The following YTHDC1 variants were observed in gnomAD, a reference collection of about 807,000 sequenced individuals.
YTHDC1 encodes the protein YTH domain-containing protein 1.
YTHDC1 carries 12 observed loss-of-function variants against 107.0 expected under a neutral mutation model. The ratio of observed to expected loss-of-function variants is 0.11; its 90% confidence interval spans 0.07 to 0.18. The LOEUF (loss-of-function observed/expected upper bound fraction) is 0.18, where lower values mean the gene tolerates loss of function less well. Ranked by LOEUF, YTHDC1 falls within the 10% of genes least tolerant of loss-of-function variation. The pLI is 1.00. For synonymous variants in YTHDC1, 280 were observed against 289.5 expected (o/e 0.97, Z 0.33); for missense variants, 635 against 898.8 (o/e 0.71, Z 3.75).
intron 9 of YTHDC1, among the ~76,000 whole-genome samples, chr4:68,328,877 A>T (rs190244858): frequency 6.6e-6 from 1 of 152,240 alleles, no homozygotes; most frequent in Admixed American, 6.5e-5. Flanking sequence ...TCTGCACAGC[A>T]TGTTACTGTA....
chr4:68,325,269 AT>A (rs201355771), intron 9 of YTHDC1, among the ~76,000 whole-genome samples: 81 of 150,392 alleles, frequency 5.4e-4, no homozygotes, highest in African/African-American at 1.3e-3. Flanking sequence ...AATACAGAAG[AT>A]TTTTTTTTTG....
intron 1 of YTHDC1, 100 bp downstream of exon 1, chr4:68,349,626 C>T: frequency 3.0e-6 from 1 of 337,638 alleles, no homozygotes; most frequent in Non-Finnish European, 6.0e-6. Context: ...CAGCTAACCT[C>T]CCCAACCCCC....
At chr4:68,317,020 C>G (rs1721934002) in intron 15 of YTHDC1, among the ~76,000 whole-genome samples, 1 of 152,132 alleles carries the variant, frequency 6.6e-6, no homozygotes, top group Admixed American at 6.5e-5. Context: ...TCCCTTAAGC[C>G]AGGAGTTGGA....
chr4:68,318,589 A>T lies in YTHDC1; in HGVS notation c.1762-8T>A. 1 of 1,610,830 alleles carries T rather than the reference A, an allele frequency of 6.2e-7. No homozygotes were observed. The highest frequency in any genetic ancestry group is 8.5e-7 in the Non-Finnish European group (1 of 1,178,380). Reference sequence around the variant, plus strand: ...CACATAATCATTGTAGGACTAAAATAAAAGATGATAATGTCAATATAATTA... The same window carrying T: ...CACATAATCATTGTAGGACTAAAATTAAAGATGATAATGTCAATATAATTA... On this transcript the variant is annotated splice_region_variant and splice_polypyrimidine_tract_variant and intron_variant, in intron 14 of 16. Transcript: ENST00000344157.
At chr4:68,320,907 T>C (rs1722382832) in intron 11 of YTHDC1, among the ~76,000 whole-genome samples, 1 of 152,094 alleles carries the variant, frequency 6.6e-6, no homozygotes, top group Non-Finnish European at 1.5e-5. Flanking sequence ...CAATGCCTTG[T>C]AATAAAATAG....
At position 68,326,810 on chromosome 4, in the gene YTHDC1, C is replaced by A. The variant is rs146809153; in HGVS notation, c.1350-2587G>T. On this transcript the variant is annotated intron_variant, in intron 9 of 16. Coordinates refer to ENST00000344157, the MANE Select transcript of YTHDC1 (RefSeq NM_001031732.4). ...TTCACCATGTTGGCCATGCTAGTCT[C>A]GAACTCCTGGCCTCAAGTGATGCAC... is the stretch of plus-strand genomic sequence containing the variant. 2.6e-5 allele frequency among the ~76,000 whole-genome samples: 4 copies of A among 151,448 alleles called. No homozygotes were observed. In the South Asian group the frequency reaches 8.4e-4, roughly 32 times the overall value.
In YTHDC1 at chr4:68,337,802, A is replaced by G. The variant is rs376644205; in HGVS notation, c.229T>C (p.Ser77Pro). 96 of 1,614,024 alleles carry G rather than the reference A, an allele frequency of 5.9e-5. No individual in the cohort carries two copies. The highest frequency in any genetic ancestry group is 7.7e-5 in the Non-Finnish European group (91 of 1,180,038). Reference sequence around the variant, plus strand: ...ACTATTCTTTTGTTATTGCTAACAGATGAGCTCAGTGGCTTAGAAACCAGT... The same window carrying G: ...ACTATTCTTTTGTTATTGCTAACAGGTGAGCTCAGTGGCTTAGAAACCAGT... ...RQLVSKPLSS[S>P]VSNNKRIVST... is the part of the protein sequence containing the mutation. Residue 77 changes from serine to proline, a missense_variant, in exon 3 of 17, where the codon TCT becomes CCT. Physicochemically the swap from Ser to Pro is moderately conservative, Grantham distance 74. Transcript: ENST00000344157.
chr4:68,331,097 A>T (rs1723532833), intron 7 of YTHDC1, among the ~76,000 whole-genome samples: 1 of 152,142 alleles, frequency 6.6e-6, no homozygotes, highest in Admixed American at 6.5e-5. Flanking sequence ...CGTATAACCC[A>T]TGCATATACT....
chr4:68,319,433 A>G (rs1356974466), intron 12 of YTHDC1, among the ~76,000 whole-genome samples: 1 of 152,210 alleles, frequency 6.6e-6, no homozygotes, highest in Non-Finnish European at 1.5e-5. Flanking sequence ...AAAACATTTG[A>G]GTAGTCATGT....
Position 68,338,361 on chromosome 4 carries a change from C to T in YTHDC1, c.52G>A (p.Asp18Asn). 1.2e-6 allele frequency: 2 copies of T among 1,601,938 alleles called. No homozygotes were observed. The highest frequency in any genetic ancestry group is 1.7e-6 in the Non-Finnish European group (2 of 1,175,466). ...EKDGELNVLDDILTEVPEQDD... is the reference protein window; with the variant it reads ...EKDGELNVLDNILTEVPEQDD... ...TGTTCTGGTACTTCAGTTAAAATATCATCCAGAACATTAAGTTCTCCATCT... is the reference window on the plus strand; with the variant it reads ...TGTTCTGGTACTTCAGTTAAAATATTATCCAGAACATTAAGTTCTCCATCT... The change falls in exon 2 of 17, where the codon GAT becomes AAT. Residue 18 changes from aspartate (D) to asparagine (N), a missense_variant. Around this residue, in one of 5 missense-constraint regions of YTHDC1, gnomAD observed 21 missense variants for 21.4 expected, o/e 0.98. Transcript: ENST00000344157.
At chr4:68,344,402 T>C (rs575536890) in intron 1 of YTHDC1, among the ~76,000 whole-genome samples, 1 of 152,192 alleles carries the variant, frequency 6.6e-6, no homozygotes, top group South Asian at 2.1e-4. Flanking sequence ...CCGTATATAA[T>C]ACTTTGGGAA....
At chr4:68,329,929 C>G in intron 9 of YTHDC1, 73 bp downstream of exon 9, 1 of 1,146,714 alleles carries the variant, frequency 8.7e-7, no homozygotes. Flanking sequence ...GTGACTTTTT[C>G]ACTTTAACAC....
Position 68,318,676 on chromosome 4 carries a change from A to T in YTHDC1, c.1761+14T>A. 1 of 1,613,752 alleles carries T rather than the reference A, an allele frequency of 6.2e-7. No homozygotes were observed. Among genetic ancestry groups the T allele is most frequent in the Non-Finnish European group, 8.5e-7 (1 of 1,179,720 alleles). ...GATTTTATCCACATTAAATAGATAAAATGAAATGCTTACCCCATTTAAAAA... is the reference window on the plus strand; with the variant it reads ...GATTTTATCCACATTAAATAGATAATATGAAATGCTTACCCCATTTAAAAA... On this transcript the variant is annotated intron_variant, in intron 14 of 16. Transcript: ENST00000344157.
chr4:68,336,336 T>C (rs1724159774), intron 4 of YTHDC1, among the ~76,000 whole-genome samples: 1 of 152,160 alleles, frequency 6.6e-6, no homozygotes, highest in East Asian at 1.9e-4. Context: ...CCAAGAAAAG[T>C]TCCCCTAAGC....
Position 68,314,068 on chromosome 4 carries a change from TC to T in YTHDC1, c.*30del. 1 of 1,593,938 alleles carries T rather than the reference TC, an allele frequency of 6.3e-7. No homozygotes were observed. The highest frequency in any genetic ancestry group is 8.5e-7 in the Non-Finnish European group (1 of 1,170,314). ...AAAAAAAAATACAAGATTTTTTGTA[TC>T]TTTAAACAATCAGTGCTTCCAAAAG... On this transcript the variant is annotated 3_prime_UTR_variant, in exon 17 of 17. Coordinates refer to ENST00000344157, the MANE Select transcript of YTHDC1 (RefSeq NM_001031732.4).
chr4:68,347,295 G>A (rs574372877), intron 1 of YTHDC1, among the ~76,000 whole-genome samples: 4 of 152,304 alleles, frequency 2.6e-5, no homozygotes, highest in Non-Finnish European at 5.9e-5. Context: ...TATACAAGGT[G>A]TTTGCAATAA....
At position 68,319,302 on chromosome 4, in the gene YTHDC1, GA is replaced by G. The variant is rs1389193344; in HGVS notation, c.1685-441del. Among the ~76,000 whole-genome samples the G allele has an allele frequency of 1.1e-4, 16 of 152,166 alleles. No homozygotes were observed. In the East Asian group the frequency reaches 1.2e-3, roughly 11 times the overall value. ...AAAATGTAAACTTAAGGGGGAGGGG[GA>G]AAAAATTGCAAAAGTTGCAAAAATG... is the stretch of plus-strand genomic sequence containing the variant. On this transcript the variant is annotated intron_variant, in intron 12 of 16. Transcript: ENST00000344157.
intron 12 of YTHDC1, among the ~76,000 whole-genome samples, chr4:68,319,658 G>A (rs1191156169): frequency 6.6e-6 from 1 of 152,072 alleles, no homozygotes; most frequent in Admixed American, 6.5e-5. Flanking sequence ...GTAAGGGATA[G>A]ATTAATTGAA....
At chr4:68,331,258 T>C (rs1723550109) in intron 7 of YTHDC1, among the ~76,000 whole-genome samples, 1 of 152,114 alleles carries the variant, frequency 6.6e-6, no homozygotes, top group Admixed American at 6.5e-5. Flanking sequence ...GTTAGTTAAA[T>C]CGAAAGATGA....
Sources: gnomAD v4.1 joint callset for allele counts (sites outside exome capture counted in the v4.1 genomes callset) on GRCh38, gnomAD v4.1.1 for gene constraint, gnomAD v4.1.1 regional missense constraint, MANE v1.5 for transcripts, NCBI Gene and HGNC (gene_info 2026-07-23, HGNC 2026-07-21) for gene names.